ZNF133: variants seen among roughly 807,000 people sequenced by gnomAD.
The protein encoded by ZNF133 is zinc finger protein 133, also known as zinc finger protein 133 (clone pHZ-13).
ZNF133 carries 26 observed loss-of-function variants against 54.9 expected under a neutral mutation model. The observed-to-expected ratio is 0.47, with a 90% CI of 0.35 to 0.66. The LOEUF (loss-of-function observed/expected upper bound fraction) is 0.66. Ranked by LOEUF, ZNF133 falls within the 30% of genes least tolerant of loss-of-function variation. The pLI is 0.01. For missense variants in ZNF133, 653 were observed against 820.8 expected (o/e 0.80, Z 2.50); for synonymous variants, 298 against 320.3 (o/e 0.93, Z 0.74).
In ZNF133 at chr20:18,305,693, T is replaced by C; in HGVS notation, c.7T>C (p.Phe3Leu). 1 of 1,614,128 alleles carries C rather than the reference T, an allele frequency of 6.2e-7. No individual in the cohort carries two copies. The highest frequency in any genetic ancestry group is 8.5e-7 in the Non-Finnish European group (1 of 1,180,016). The change falls in exon 5 of 7, where the codon TTC becomes CTC. Residue 3 changes from phenylalanine to leucine, a missense_variant. Transcript: ENST00000425686. The surrounding 1 kb of genome is among the most constrained non-coding windows in gnomAD (Gnocchi z 4.7). ...TTTTGTGTTACAGGCACACATGGCA[T>C]TCAGGGATGTGGCTGTGGATTTCAC... MA[F>L]RDVAVDFTQD...
At chr20:18,294,581 T>G (rs1042578090) in intron 1 of ZNF133, among the ~76,000 whole-genome samples, 3 of 151,890 alleles carry the variant, frequency 2.0e-5, no homozygotes, top group Non-Finnish European at 2.9e-5. Flanking sequence ...AATTGATATT[T>G]GTGCAACTTC....
Position 18,304,195 on chromosome 20 carries a change from CA to C in ZNF133, c.-177-811del, listed in dbSNP as rs147460915. Among the ~76,000 whole-genome samples, 617 of 152,244 alleles carry C rather than the reference CA, an allele frequency of 4.1e-3. 7 individuals carry two copies. The highest frequency in any genetic ancestry group is 0.014 in the African/African-American group (592 of 41,536). Reference sequence around the variant, plus strand: ...ATTAGGAAAATACAAATGAAGACCACAATGAGATACCACCTTATACCAATTA... The same window carrying C: ...ATTAGGAAAATACAAATGAAGACCACATGAGATACCACCTTATACCAATTA... On this transcript the variant is annotated intron_variant, in intron 3 of 6. Coordinates refer to ENST00000425686, the MANE Select transcript of ZNF133 (RefSeq NM_001352452.2).
intron 6 of ZNF133, among the ~76,000 whole-genome samples, chr20:18,308,860 G>A (rs1457805090): frequency 1.3e-5 from 2 of 152,220 alleles, no homozygotes; most frequent in African/African-American, 4.8e-5. Context: ...CAATAGGAAA[G>A]AAGGAAGGTC....
chr20:18,291,267 TTC>T (rs1161857685), intron 1 of ZNF133, among the ~76,000 whole-genome samples: 2 of 152,330 alleles, frequency 1.3e-5, no homozygotes, highest in Non-Finnish European at 2.9e-5. Flanking sequence ...GTTGCTATCC[TTC>T]TGTTATGTTT....
At chr20:18,296,773 C>T (rs542041422) in intron 1 of ZNF133, among the ~76,000 whole-genome samples, 4 of 152,260 alleles carry the variant, frequency 2.6e-5, no homozygotes, top group South Asian at 4.1e-4. Context: ...AGTTCTTTTG[C>T]GTATATAGCC....
rs539127749 is a variant in ZNF133 at position 18,299,298 on chromosome 20, A to G, written c.-178+834A>G. Among the ~76,000 whole-genome samples the G allele has an allele frequency of 3.3e-5, 5 of 152,342 alleles. No homozygotes were observed. In the East Asian group the frequency reaches 5.8e-4, roughly 18 times the overall value. On this transcript the variant is annotated intron_variant, in intron 3 of 6. Coordinates refer to ENST00000425686, the MANE Select transcript of ZNF133 (RefSeq NM_001352452.2). The stretch of plus-strand genomic sequence containing the variant: ...AAAATAAATTTTGGATTTAAAAAGT[A>G]CAACTGAAAAGAAAAGTTCATTAGA...
chr20:18,294,186 A>T (rs2041738849), intron 1 of ZNF133, among the ~76,000 whole-genome samples: 1 of 152,248 alleles, frequency 6.6e-6, no homozygotes, highest in African/African-American at 2.4e-5. Flanking sequence ...TAACAATATC[A>T]TGAACTCATT....
intron 1 of ZNF133, among the ~76,000 whole-genome samples, chr20:18,291,405 CCTT>C (rs1296645217): frequency 1.3e-5 from 2 of 152,172 alleles, no homozygotes; most frequent in Admixed American, 1.3e-4. Flanking sequence ...TTTACATCCT[CCTT>C]CTTAATATAT....
intron 1 of ZNF133, chr20:18,289,779 GA>G (rs960086154): frequency 6.6e-6 from 1 of 152,244 alleles, no homozygotes; most frequent in Non-Finnish European, 1.5e-5. Flanking sequence ...CAGGCACAGA[GA>G]AGGTCGCTTC....
At position 18,305,597 on chromosome 20, in the gene ZNF133, C is replaced by A; in HGVS notation, c.-6-84C>A. 4 of 1,597,730 alleles carry A rather than the reference C, an allele frequency of 2.5e-6. No individual in the cohort carries two copies. Among genetic ancestry groups the A allele is most frequent in the Non-Finnish European group, 3.4e-6 (4 of 1,171,720 alleles). On this transcript the variant is annotated intron_variant, in intron 4 of 6. Transcript: ENST00000425686. The surrounding 1 kb of genome is among the most constrained non-coding windows in gnomAD (Gnocchi z 4.7). ...GGATCTTGATATCTCACCTGCCTCC[C>A]CCAGGGCAGCCTTATCCCTGCCCCT...
intron 6 of ZNF133, chr20:18,306,842 CATTTTAT>C: frequency 9.6e-7 from 1 of 1,043,018 alleles, no homozygotes. Flanking sequence ...ATGGCTTTTA[CATTTTAT>C]AATGTTATAT....
At chr20:18,299,984 A>C (rs1315097519) in intron 3 of ZNF133, among the ~76,000 whole-genome samples, 2 of 152,340 alleles carry the variant, frequency 1.3e-5, no homozygotes, top group South Asian at 2.1e-4. Context: ...GACTTTAGAC[A>C]GTTACATGAA....
chr20:18,308,736 G>C (rs1229528182), intron 6 of ZNF133, among the ~76,000 whole-genome samples: 1 of 152,192 alleles, frequency 6.6e-6, no homozygotes, highest in Non-Finnish European at 1.5e-5. Context: ...TGTTGCATTT[G>C]CTGTCAAACC....
chr20:18,305,286 C>A lies in ZNF133; in HGVS notation c.-7+108C>A. ...CTTGTGACCATCAGGCCCGAGAAAGCCAAGCCGTAGGATTTTGAGGAATTA... is the reference window on the plus strand; with the variant it reads ...CTTGTGACCATCAGGCCCGAGAAAGACAAGCCGTAGGATTTTGAGGAATTA... On this transcript the variant is annotated intron_variant, in intron 4 of 6. Transcript: ENST00000425686. The surrounding 1 kb of genome is among the most constrained non-coding windows in gnomAD (Gnocchi z 4.7). 3 of 811,548 alleles carry A rather than the reference C, an allele frequency of 3.7e-6. No homozygotes were observed. Among genetic ancestry groups the A allele is most frequent in the Non-Finnish European group, 4.5e-6 (3 of 666,660 alleles). 50.3% of individuals were successfully genotyped at this position (811,548 alleles called of 1,614,324 possible).
chr20:18,288,876 G>T (rs780323660), intron 1 of ZNF133, among the ~76,000 whole-genome samples: 52 of 152,168 alleles, frequency 3.4e-4, no homozygotes, highest in Non-Finnish European at 6.0e-4. Flanking sequence ...CTCTCTCCTA[G>T]GGTTCTTGTG....
intron 6 of ZNF133, chr20:18,310,366 G>A (rs1482818289): frequency 2.0e-6 from 3 of 1,471,464 alleles, no homozygotes; most frequent in Non-Finnish European, 2.7e-6. Context: ...TTTAAGACAG[G>A]CAATATCAGA....
intron 1 of ZNF133, among the ~76,000 whole-genome samples, chr20:18,297,242 T>C (rs1450577381): frequency 6.6e-6 from 1 of 152,166 alleles, no homozygotes; most frequent in African/African-American, 2.4e-5. Flanking sequence ...TTTCTGGCTA[T>C]TACTAAGTGC....
intron 3 of ZNF133, among the ~76,000 whole-genome samples, chr20:18,301,595 C>G (rs1007101130): frequency 6.6e-6 from 1 of 152,136 alleles, no homozygotes; most frequent in Admixed American, 6.5e-5. Context: ...ACTATTGTTT[C>G]TACAGAAGTA....
rs762792889 is a variant in ZNF133 at position 18,316,533 on chromosome 20, A to G, written c.1682A>G (p.Asn561Ser). The change falls in exon 7 of 7, where the codon AAT becomes AGT. Residue 561 changes from asparagine to serine, a missense_variant. Physicochemically the swap from Asn to Ser is conservative, Grantham distance 46 (BLOSUM62 1). Transcript: ENST00000425686. Reference protein sequence around the residue: ...MCRQCGLGFGNKSALITHKRA... With the variant: ...MCRQCGLGFGSKSALITHKRA... ...AGGCAGTGTGGACTGGGCTTTGGCAATAAGTCAGCTCTAATTACACACAAG... is the reference window on the plus strand; with the variant it reads ...AGGCAGTGTGGACTGGGCTTTGGCAGTAAGTCAGCTCTAATTACACACAAG... 5.0e-6 allele frequency: 8 copies of G among 1,613,934 alleles called. No individual in the cohort carries two copies. Among genetic ancestry groups the G allele is most frequent in the South Asian group, 1.1e-5 (1 of 91,080 alleles).
Sources: gnomAD v4.1 joint callset for allele counts (sites outside exome capture counted in the v4.1 genomes callset) on GRCh38, gnomAD v4.1.1 for gene constraint, Gnocchi (gnomAD v3.1) non-coding constraint, MANE v1.5 for transcripts, NCBI Gene and HGNC (gene_info 2026-07-23, HGNC 2026-07-21) for gene names.